Variants in PCDH9 observed in about 807,000 individuals in gnomAD.
PCDH9 encodes the protein protocadherin-9.
Under a neutral mutation model 70.6 loss-of-function variants are expected in PCDH9, and 24 were observed. That is an observed-to-expected ratio of 0.34 (90% confidence interval 0.25 to 0.48). PCDH9 has a LOEUF of 0.48. Ranked by LOEUF, PCDH9 falls within the 20% of genes least tolerant of loss-of-function variation. PCDH9 has a pLI of 0.99. For missense variants in PCDH9, 1,281 were observed against 1,503.6 expected, an observed-to-expected ratio of 0.85 and a Z score of 2.45; for synonymous variants, 562 against 558.5, an observed-to-expected ratio of 1.01 and a Z score of -0.09.
chr13:67,116,505 G>A (rs1323877774), intron 2 of PCDH9, among the ~76,000 whole-genome samples: 1 of 152,104 alleles, frequency 6.6e-6, no homozygotes, highest in East Asian at 1.9e-4. Context: ...AGTACTAATT[G>A]TTTCCACTCT....
In PCDH9 at chr13:66,794,980, C is replaced by CACACACAT. The variant is rs1297786356; in HGVS notation, c.3138+108523_3138+108524insATGTGTGT. ...TAACCCAAACGGACACACACAGGCACACACACACACACACACACACACAAA... is the reference window on the plus strand; with the variant it reads ...TAACCCAAACGGACACACACAGGCACACACACATACACACACACACACACACACACAAA... On this transcript the variant is annotated intron_variant, in intron 3 of 4. Coordinates refer to ENST00000377865, the MANE Select transcript of PCDH9 (RefSeq NM_203487.3). Among the ~76,000 whole-genome samples, 83 of 150,768 alleles carry CACACACAT rather than the reference C, an allele frequency of 5.5e-4. 1 individual carries two copies. Among genetic ancestry groups the CACACACAT allele is most frequent in the African/African-American group, 1.9e-3 (79 of 40,630 alleles).
At chr13:66,463,917 G>C (rs1958469699) in intron 4 of PCDH9, among the ~76,000 whole-genome samples, 2 of 151,648 alleles carry the variant, frequency 1.3e-5, no homozygotes, top group Admixed American at 1.3e-4. Flanking sequence ...ATAAACATAT[G>C]ATTAGATGTC....
chr13:66,550,805 C>T (rs971050439), intron 4 of PCDH9, among the ~76,000 whole-genome samples: 6 of 152,138 alleles, frequency 3.9e-5, no homozygotes, highest in Non-Finnish European at 8.8e-5. Flanking sequence ...AATAGGCTGG[C>T]ATTTTTATCA....
At chr13:67,081,301 G>T (rs903284150) in intron 2 of PCDH9, among the ~76,000 whole-genome samples, 6 of 152,156 alleles carry the variant, frequency 3.9e-5, no homozygotes, top group African/African-American at 9.7e-5. Flanking sequence ...GGGCGCAGTG[G>T]CTCACACCTG....
chr13:66,418,902 G>A (rs978737652), intron 4 of PCDH9, among the ~76,000 whole-genome samples: 2 of 152,222 alleles, frequency 1.3e-5, no homozygotes, highest in East Asian at 1.9e-4. Context: ...AAATGATAAA[G>A]GGGAGATCAC....
intron 3 of PCDH9, among the ~76,000 whole-genome samples, chr13:66,869,529 C>T (rs2139503218): frequency 6.6e-6 from 1 of 152,168 alleles, no homozygotes; most frequent in East Asian, 1.9e-4. Flanking sequence ...TGTTCCCTTT[C>T]TAAATTGTAT....
At chr13:66,383,259 A>G (rs1481142816) in intron 4 of PCDH9, among the ~76,000 whole-genome samples, 1 of 152,228 alleles carries the variant, frequency 6.6e-6, no homozygotes, top group African/African-American at 2.4e-5. Context: ...TCACCAACGT[A>G]TAAGAGGAAG....
At chr13:67,111,680 A>G (rs1424481526) in intron 2 of PCDH9, among the ~76,000 whole-genome samples, 1 of 152,158 alleles carries the variant, frequency 6.6e-6, no homozygotes, top group Non-Finnish European at 1.5e-5. Context: ...TTTAAGTGGG[A>G]GTGGAATAGT....
At chr13:66,730,869 T>TGG (rs2079064924) in intron 3 of PCDH9, among the ~76,000 whole-genome samples, 1 of 84,770 alleles carries the variant, frequency 1.2e-5, no homozygotes, top group Non-Finnish European at 2.1e-5. Context: ...TTTTTTTGTG[T>TGG]GTGTGTGTTT....
In PCDH9 at chr13:67,225,446, G is replaced by A; in HGVS notation, c.2995C>T (p.Gln999Ter). The change falls in exon 2 of 5, where the codon CAA (glutamine) becomes TAA (stop). Residue 999 changes from glutamine to a stop codon, truncating the protein, a stop_gained. Coordinates refer to ENST00000377865, the MANE Select transcript of PCDH9 (RefSeq NM_203487.3). LOFTEE classifies it high-confidence loss of function. ...DHFSASECSS[Q>*]GGFKTKGPLH... ...GGGCCCTTTGTCTTGAAGCCTCCTT[G>A]GGAACTGCACTCTGAGGCACTGAAG... The A allele has an allele frequency of 1.2e-6, 2 of 1,614,054 alleles. No individual in the cohort carries two copies. The highest frequency in any genetic ancestry group is 1.7e-6 in the Non-Finnish European group (2 of 1,179,992).
intron 4 of PCDH9, among the ~76,000 whole-genome samples, chr13:66,305,452 G>A (rs931841284): frequency 1.3e-5 from 2 of 151,670 alleles, no homozygotes; most frequent in South Asian, 4.2e-4. Flanking sequence ...TAATATTAAA[G>A]AATATATAAA....
At chr13:66,995,218 T>G (rs567576922) in intron 2 of PCDH9, among the ~76,000 whole-genome samples, 27 of 152,206 alleles carry the variant, frequency 1.8e-4, no homozygotes, top group Non-Finnish European at 3.7e-4. Context: ...TTAAATGAGC[T>G]GGCACTCTTT....
chr13:67,205,575 T>C (rs1475197205), intron 2 of PCDH9: 2 of 152,220 alleles, frequency 1.3e-5, no homozygotes. Context: ...TTTTTTATTT[T>C]CTAGGGATAT....
chr13:66,576,946 A>G (rs1028584243), intron 4 of PCDH9, among the ~76,000 whole-genome samples: 39 of 152,096 alleles, frequency 2.6e-4, no homozygotes, highest in African/African-American at 8.9e-4. Context: ...CTAAAAAACT[A>G]TAATATCAAA....
rs1470536591 is a variant in PCDH9, at chr13:66,767,346, A to C, written c.3139-135935T>G. On this transcript the variant is annotated intron_variant, in intron 3 of 4. Transcript: ENST00000377865. ...ATCCCACCATTGGAATTGCTTGATC[A>C]CTAAGCAATATCCTGGCGATTTACT... 3.3e-5 allele frequency among the ~76,000 whole-genome samples: 5 copies of C among 152,278 alleles called. 1 individual carries two copies. Among genetic ancestry groups the C allele is most frequent in the Admixed American group, 3.3e-4 (5 of 15,274 alleles).
chr13:66,480,782 C>A (rs999977122), intron 4 of PCDH9, among the ~76,000 whole-genome samples: 1 of 152,086 alleles, frequency 6.6e-6, no homozygotes, highest in Non-Finnish European at 1.5e-5. Context: ...ACCAGAAATA[C>A]CATTTGACCC....
At chr13:66,501,302 C>T (rs1959176048) in intron 4 of PCDH9, among the ~76,000 whole-genome samples, 1 of 152,056 alleles carries the variant, frequency 6.6e-6, no homozygotes, top group Non-Finnish European at 1.5e-5. Flanking sequence ...CACTGTTTTA[C>T]ATACCATTTC....
chr13:66,945,246 C>G (rs1301686294), intron 2 of PCDH9, among the ~76,000 whole-genome samples: 1 of 151,958 alleles, frequency 6.6e-6, no homozygotes, highest in Non-Finnish European at 1.5e-5. Flanking sequence ...CCCTCATCTT[C>G]CTATAATTTG....
At chr13:66,592,518 G>A (rs991560011) in intron 4 of PCDH9, among the ~76,000 whole-genome samples, 3 of 151,658 alleles carry the variant, frequency 2.0e-5, no homozygotes, top group African/African-American at 7.3e-5. Context: ...AATATACAGT[G>A]CTTCTCAAAA....
Sources: allele counts gnomAD v4.1 joint callset (sites outside exome capture counted in the v4.1 genomes callset), GRCh38; gene constraint gnomAD v4.1.1; transcripts MANE v1.5; gene names NCBI Gene and HGNC (gene_info 2026-07-23, HGNC 2026-07-21).